FNDC3A: variants seen among roughly 807,000 people sequenced by gnomAD.
FNDC3A encodes the protein fibronectin type III domain containing 3A.
In FNDC3A, 32 loss-of-function variants were observed where a neutral mutation model predicts 148.9. That is an observed-to-expected ratio of 0.21 (90% CI 0.16 to 0.29). The LOEUF (loss-of-function observed/expected upper bound fraction) is 0.29. Ranked by LOEUF, FNDC3A falls within the 10% of genes least tolerant of loss-of-function variation. FNDC3A has a pLI of 1.00. For missense variants in FNDC3A, 1,191 were observed against 1,452.8 expected, an observed-to-expected ratio of 0.82 and a Z score of 2.93; for synonymous variants, 472 against 473.6, an observed-to-expected ratio of 1.00 and a Z score of 0.04.
At chr13:49,057,649 T>C (rs1237582289) in intron 2 of FNDC3A, among the ~76,000 whole-genome samples, 2 of 152,224 alleles carry the variant, frequency 1.3e-5, no homozygotes, top group Non-Finnish European at 2.9e-5. Context: ...TAATATACTT[T>C]TAATGCATTA....
Position 49,207,153 on chromosome 13 carries a change from T to G in FNDC3A, c.3355T>G (p.Cys1119Gly). 1 of 1,614,228 alleles carries G rather than the reference T, an allele frequency of 6.2e-7. No individual in the cohort carries two copies. The highest frequency in any genetic ancestry group is 8.5e-7 in the Non-Finnish European group (1 of 1,180,024). Residue 1119 changes from cysteine to glycine, a missense_variant, in exon 26 of 26, where the codon TGT becomes GGT. Cys to Gly is a radical substitution (Grantham distance 159, BLOSUM62 -3). Coordinates refer to ENST00000492622, the MANE Select transcript of FNDC3A (RefSeq NM_001079673.2). ...QLNCEYRFRV[C>G]AIRQCQDSLG... ...GAACTGTGAATATCGCTTCCGTGTA[T>G]GTGCCATTCGCCAGTGCCAAGACTC... is the stretch of plus-strand genomic sequence containing the variant.
chr13:49,049,384 T>TACCA (rs1378793089), intron 2 of FNDC3A, among the ~76,000 whole-genome samples: 1 of 152,174 alleles, frequency 6.6e-6, no homozygotes. Flanking sequence ...GTAGGATTGG[T>TACCA]ACCAATTCTT....
chr13:49,017,274 G>A (rs1388903983), intron 2 of FNDC3A, among the ~76,000 whole-genome samples: 11 of 152,134 alleles, frequency 7.2e-5, no homozygotes, highest in Admixed American at 3.3e-4. Context: ...TGCTTTATGA[G>A]TCTTGGTGCT....
chr13:49,146,730 C>A (rs1422149107), intron 8 of FNDC3A: 1 of 152,060 alleles, frequency 6.6e-6, no homozygotes, highest in Non-Finnish European at 1.5e-5. Flanking sequence ...GAGTGAGACT[C>A]CATCTCAAGA....
At chr13:49,194,075 A>T (rs997305922) in intron 19 of FNDC3A, among the ~76,000 whole-genome samples, 3 of 152,202 alleles carry the variant, frequency 2.0e-5, no homozygotes, top group African/African-American at 7.2e-5. Flanking sequence ...AGCCTGGCCA[A>T]CATCGGGAAA....
intron 24 of FNDC3A, among the ~76,000 whole-genome samples, chr13:49,202,723 C>T (rs534953005): frequency 6.6e-5 from 10 of 152,274 alleles, no homozygotes; most frequent in Admixed American, 3.9e-4. Context: ...TGACTATAAG[C>T]AGGGCACAGT....
chr13:49,121,443 A>G (rs1163995465), intron 4 of FNDC3A, among the ~76,000 whole-genome samples: 2 of 152,236 alleles, frequency 1.3e-5, no homozygotes, highest in Non-Finnish European at 2.9e-5. Flanking sequence ...GAACCAGAGA[A>G]GCAAGAGCAA....
At chr13:49,172,984 C>A (rs1355276161) in intron 11 of FNDC3A, among the ~76,000 whole-genome samples, 2 of 152,190 alleles carry the variant, frequency 1.3e-5, no homozygotes, top group Non-Finnish European at 2.9e-5. Context: ...TTTGCACCAA[C>A]CTACATTAAC....
intron 7 of FNDC3A, among the ~76,000 whole-genome samples, chr13:49,144,906 A>G (rs1388832513): frequency 6.6e-6 from 1 of 152,140 alleles, no homozygotes; most frequent in African/African-American, 2.4e-5. Context: ...TATTGAGGAA[A>G]TCTTCAGATG....
At chr13:49,031,113 G>A (rs1231772408) in intron 2 of FNDC3A, among the ~76,000 whole-genome samples, 1 of 152,184 alleles carries the variant, frequency 6.6e-6, no homozygotes, top group Non-Finnish European at 1.5e-5. Flanking sequence ...CAGACTGGGT[G>A]CAATGGCTCA....
In FNDC3A at chr13:49,186,118, T is replaced by G. The variant is rs2033034087; in HGVS notation, c.1756+16T>G. ...ATAACCTGGGGTAAGATATTATGCATGTTTATACATTATTACTTTTGCGTT... is the reference window on the plus strand; with the variant it reads ...ATAACCTGGGGTAAGATATTATGCAGGTTTATACATTATTACTTTTGCGTT... On this transcript the variant is annotated intron_variant, in intron 15 of 25. Transcript: ENST00000492622. 1 of 1,566,758 alleles carries G rather than the reference T, an allele frequency of 6.4e-7. No individual in the cohort carries two copies.
At chr13:49,012,081 A>G (rs1188331205) in intron 2 of FNDC3A, among the ~76,000 whole-genome samples, 1 of 152,088 alleles carries the variant, frequency 6.6e-6, no homozygotes, top group Non-Finnish European at 1.5e-5. Flanking sequence ...TGTTACAGAT[A>G]TGATCAAATA....
intron 1 of FNDC3A, among the ~76,000 whole-genome samples, chr13:48,996,228 C>T (rs1027727139): frequency 3.3e-5 from 5 of 152,052 alleles, no homozygotes; most frequent in African/African-American, 1.2e-4. Flanking sequence ...ATAATCTCAC[C>T]ATCTTGATAC....
At position 49,187,388 on chromosome 13, in the gene FNDC3A, T is replaced by C. The variant is rs1203495459; in HGVS notation, c.1825+198T>C. 7 of 876,642 alleles carry C rather than the reference T, an allele frequency of 8.0e-6. No individual in the cohort carries two copies. The African/African-American group carries it at 1.2e-4, about 15-fold the overall frequency. The allele number at this position is 876,642 out of a possible 1,614,324, so 54.3% of individuals were successfully genotyped here. On this transcript the variant is annotated intron_variant, in intron 16 of 25. Coordinates refer to ENST00000492622, the MANE Select transcript of FNDC3A (RefSeq NM_001079673.2). ...TAAGTTTATTGACAAACATATCTAGTATGCCATATGAGTTCAAGTTTGATC... is the reference window on the plus strand; with the variant it reads ...TAAGTTTATTGACAAACATATCTAGCATGCCATATGAGTTCAAGTTTGATC...
rs146839654 is a variant in FNDC3A at position 49,060,441 on chromosome 13, C to T, written c.100-14848C>T. Among the ~76,000 whole-genome samples, 862 of 152,034 alleles carry T rather than the reference C, an allele frequency of 5.7e-3. 11 individuals carry two copies. The highest frequency in any genetic ancestry group is 0.019 in the African/African-American group (806 of 41,480). On this transcript the variant is annotated intron_variant, in intron 2 of 25. Transcript: ENST00000492622. The stretch of plus-strand genomic sequence containing the variant: ...GGCGGATCACCTGAAGTCAGGAGTT[C>T]GAGACCAGCCTGGCCAACATGGTGA...
chr13:49,207,169 G>A lies in FNDC3A; in HGVS notation c.3371G>A (p.Cys1124Tyr). ...TTCCGTGTATGTGCCATTCGCCAGT[G>A]CCAAGACTCTCTGGGACACCAGGAC... ...YRFRVCAIRQ[C>Y]QDSLGHQDLV... The change falls in exon 26 of 26, where the codon TGC becomes TAC. Residue 1124 changes from cysteine (C) to tyrosine (Y), a missense_variant. This residue lies in a region of FNDC3A where 751 missense variants were observed against 944.0 expected (regional missense o/e 0.80). Transcript: ENST00000492622. The A allele has an allele frequency of 2.5e-6, 4 of 1,614,152 alleles. No individual in the cohort carries two copies. The highest frequency in any genetic ancestry group is 3.4e-6 in the Non-Finnish European group (4 of 1,179,990).
chr13:49,163,341 G>A (rs188752501), intron 8 of FNDC3A, among the ~76,000 whole-genome samples: 113 of 152,252 alleles, frequency 7.4e-4, no homozygotes, highest in African/African-American at 2.2e-3. Flanking sequence ...CAGTAATGGC[G>A]GACGCTCCTC....
intron 8 of FNDC3A, among the ~76,000 whole-genome samples, chr13:49,152,509 TTTGG>T (rs781488833): frequency 1.6e-4 from 22 of 136,034 alleles, no homozygotes; most frequent in African/African-American, 3.2e-4. Context: ...AAAAAAATTG[TTTGG>T]TTTTTTTTTA....
chr13:49,163,309 CTTTG>C (rs1884269023), intron 8 of FNDC3A, among the ~76,000 whole-genome samples: 3 of 152,226 alleles, frequency 2.0e-5, no homozygotes, highest in Admixed American at 2.0e-4. Flanking sequence ...TTTCCGGCTG[CTTTG>C]TTTACCTACT....
Sources: gnomAD v4.1 joint callset for allele counts (sites outside exome capture counted in the v4.1 genomes callset) on GRCh38, gnomAD v4.1.1 for gene constraint, gnomAD v4.1.1 regional missense constraint, MANE v1.5 for transcripts, NCBI Gene and HGNC (gene_info 2026-07-23, HGNC 2026-07-21) for gene names.